PEX5L: variants seen among roughly 807,000 people sequenced by gnomAD.
The protein encoded by PEX5L is PEX5-related protein.
PEX5L carries 30 observed loss-of-function variants against 84.0 expected under a neutral mutation model. That is an observed-to-expected ratio of 0.36 (90% CI 0.27 to 0.48). PEX5L has a LOEUF of 0.48. PEX5L is among the 20% of genes least tolerant of loss of function. The pLI is 0.99. For missense variants in PEX5L, 533 were observed against 754.6 expected, an observed-to-expected ratio of 0.71 and a Z score of 3.44; for synonymous variants, 270 against 283.1, an observed-to-expected ratio of 0.95 and a Z score of 0.46.
intron 8 of PEX5L, among the ~76,000 whole-genome samples, chr3:179,847,961 G>A (rs187660703): frequency 4.8e-4 from 71 of 147,338 alleles, no homozygotes; most frequent in Non-Finnish European, 7.1e-4. Context: ...GTGTTCCAAC[G>A]TTTGGGTATT....
chr3:180,030,430 C>T (rs1791347595), intron 1 of PEX5L, among the ~76,000 whole-genome samples: 1 of 152,196 alleles, frequency 6.6e-6, no homozygotes, highest in Admixed American at 6.5e-5. Flanking sequence ...TAACTTAACA[C>T]CAGTTTTAAC....
At chr3:179,967,341 C>G (rs4855130) in intron 2 of PEX5L, among the ~76,000 whole-genome samples, 1 of 151,794 alleles carries the variant, frequency 6.6e-6, no homozygotes, top group Non-Finnish European at 1.5e-5. Context: ...TTCTCATTTG[C>G]TAAACTGGGG....
chr3:180,020,205 T>A (rs1423699310), intron 1 of PEX5L, among the ~76,000 whole-genome samples: 3 of 152,186 alleles, frequency 2.0e-5, no homozygotes, highest in Non-Finnish European at 2.9e-5. Context: ...GATTATCATT[T>A]CATATAATGA....
intron 1 of PEX5L, among the ~76,000 whole-genome samples, chr3:180,015,299 T>C (rs1476812199): frequency 6.6e-6 from 1 of 152,222 alleles, no homozygotes; most frequent in Non-Finnish European, 1.5e-5. Context: ...GAGTTGACTC[T>C]GGAGCCAAAT....
chr3:179,803,737 T>A (rs1011652592), intron 14 of PEX5L, among the ~76,000 whole-genome samples: 6 of 152,236 alleles, frequency 3.9e-5, no homozygotes, highest in African/African-American at 1.4e-4. Context: ...ACTTTGAAAA[T>A]GAGACTGGAT....
chr3:180,024,420 C>T (rs1414902873), intron 1 of PEX5L, among the ~76,000 whole-genome samples: 2 of 141,956 alleles, frequency 1.4e-5, no homozygotes, highest in Admixed American at 7.0e-5. Flanking sequence ...TGGCAGGCGC[C>T]TGTAGTCCCA....
intron 5 of PEX5L, among the ~76,000 whole-genome samples, chr3:179,877,317 T>C (rs1752744975): frequency 6.6e-6 from 1 of 152,248 alleles, no homozygotes; most frequent in Non-Finnish European, 1.5e-5. Context: ...TTTTCACCTT[T>C]GTACTATTGT....
At position 179,862,136 on chromosome 3, in the gene PEX5L, C is replaced by T. The variant is rs73058679; in HGVS notation, c.727-2979G>A. 3.0e-3 allele frequency among the ~76,000 whole-genome samples: 455 copies of T among 152,294 alleles called. 4 individuals are homozygous for T. Among genetic ancestry groups the T allele is most frequent in the African/African-American group, 0.01 (427 of 41,562 alleles). ...CTAGTTCCTAGTGGCTTCAGGCATT[C>T]TTTGGCTTATGACTGCGTCACTCCA... On this transcript the variant is annotated intron_variant, in intron 7 of 14. Transcript: ENST00000467460.
intron 2 of PEX5L, among the ~76,000 whole-genome samples, chr3:179,926,394 T>C (rs558127473): frequency 6.6e-6 from 1 of 152,310 alleles, no homozygotes; most frequent in East Asian, 1.9e-4. Context: ...CTTGCTGTTC[T>C]TGGAACTTAC....
intron 1 of PEX5L, among the ~76,000 whole-genome samples, chr3:179,993,073 G>GA (rs1268670274): frequency 4.6e-5 from 7 of 151,730 alleles, no homozygotes; most frequent in Non-Finnish European, 7.4e-5. Flanking sequence ...GTTCACTATA[G>GA]AAAATATAGA....
At chr3:179,942,171 A>G (rs1256269776) in intron 2 of PEX5L, among the ~76,000 whole-genome samples, 1 of 152,050 alleles carries the variant, frequency 6.6e-6, no homozygotes, top group Admixed American at 6.5e-5. Flanking sequence ...AGTCTATTGA[A>G]CCCTTCCAGA....
intron 2 of PEX5L, among the ~76,000 whole-genome samples, chr3:179,908,855 A>C (rs1764192044): frequency 6.6e-6 from 1 of 152,058 alleles, no homozygotes; most frequent in Non-Finnish European, 1.5e-5. Flanking sequence ...CATTTTCTTT[A>C]TCCAGTCTAT....
At chr3:179,983,848 G>T (rs746418153) in intron 1 of PEX5L, among the ~76,000 whole-genome samples, 1 of 152,038 alleles carries the variant, frequency 6.6e-6, no homozygotes, top group Non-Finnish European at 1.5e-5. Flanking sequence ...TTTCTGATGA[G>T]ATCAGTAGTG....
At chr3:179,840,835 C>T (rs184031714) in intron 8 of PEX5L, among the ~76,000 whole-genome samples, 3 of 152,108 alleles carry the variant, frequency 2.0e-5, no homozygotes, top group Non-Finnish European at 2.9e-5. Context: ...TGGCGTGAGA[C>T]GGAAAATCAA....
intron 1 of PEX5L, among the ~76,000 whole-genome samples, chr3:179,972,595 A>C (rs1785042724): frequency 6.6e-6 from 1 of 152,156 alleles, no homozygotes; most frequent in African/African-American, 2.4e-5. Context: ...TGCTTTAGTT[A>C]TTAACTACAT....
chr3:180,010,884 A>G (rs1470438564), intron 1 of PEX5L, among the ~76,000 whole-genome samples: 2 of 152,102 alleles, frequency 1.3e-5, no homozygotes, highest in African/African-American at 4.8e-5. Flanking sequence ...GCTTCTTGAC[A>G]TTACTCCTTC....
chr3:179,894,433 T>G (rs1758563433), intron 3 of PEX5L, among the ~76,000 whole-genome samples: 2 of 152,186 alleles, frequency 1.3e-5, no homozygotes, highest in Non-Finnish European at 2.9e-5. Flanking sequence ...AGTGATAACT[T>G]TCAACTCTTT....
chr3:179,845,880 C>T (rs763446780), intron 8 of PEX5L, among the ~76,000 whole-genome samples: 13 of 152,206 alleles, frequency 8.5e-5, no homozygotes, highest in Admixed American at 2.0e-4. Flanking sequence ...TCATTTATAT[C>T]TATGATGGGC....
chr3:179,842,656 TACTAAAGAAG>T (rs2108339827), intron 8 of PEX5L, among the ~76,000 whole-genome samples: 1 of 152,262 alleles, frequency 6.6e-6, no homozygotes, highest in South Asian at 2.1e-4. Context: ...TCAACGAATA[TACTAAAGAAG>T]GCAGGAAGAC....
Sources: gnomAD v4.1 joint callset for allele counts (sites outside exome capture counted in the v4.1 genomes callset) on GRCh38, gnomAD v4.1.1 for gene constraint, MANE v1.5 for transcripts, NCBI Gene and HGNC (gene_info 2026-07-23, HGNC 2026-07-21) for gene names.